MAMLD1: variants seen among roughly 807,000 people sequenced by gnomAD.
MAMLD1 encodes the protein mastermind-like domain-containing protein 1.
Under a neutral mutation model 45.0 loss-of-function variants are expected in MAMLD1, and 14 were observed. The observed-to-expected ratio is 0.31, with a 90% CI of 0.21 to 0.49. MAMLD1 has a LOEUF of 0.49. Among genes scored for constraint, MAMLD1 ranks in the 20% least tolerant of loss-of-function variants. The pLI is 0.99. For synonymous variants in MAMLD1, 254 were observed against 247.8 expected (o/e 1.02, Z -0.24); for missense variants, 543 against 603.6 (o/e 0.90, Z 1.05).
chrX:150,478,487 G>A (rs5925148), intron 5 of MAMLD1, among the ~76,000 whole-genome samples: 36,137 of 111,358 alleles, frequency 0.32, 4,362 homozygotes, highest in East Asian at 0.68. Context: ...GCTTGCGGGA[G>A]AGCAATACTG....
rs782704765 is a variant in MAMLD1, at chrX:150,375,165, A to C, written c.-64+11635A>C. Among the ~76,000 whole-genome samples the C allele has an allele frequency of 9.9e-5, 11 of 111,624 alleles. No homozygotes were observed. In the South Asian group the frequency reaches 3.9e-3, roughly 39 times the overall value. On this transcript the variant is annotated intron_variant, in intron 1 of 7. Transcript: ENST00000370401. Reference sequence around the variant, plus strand: ...AAGGCCACGAGGGCTCATATATCAAAGATGGGGAAACTGAGGCCCAGAGAG... The same window carrying C: ...AAGGCCACGAGGGCTCATATATCAACGATGGGGAAACTGAGGCCCAGAGAG...
At chrX:150,451,203 G>A (rs996771345) in intron 2 of MAMLD1, among the ~76,000 whole-genome samples, 4 of 112,373 alleles carry the variant, frequency 3.6e-5, no homozygotes, top group African/African-American at 1.3e-4. Context: ...GCATGACACT[G>A]CCTATTTCTA....
Position 150,514,025 on chromosome X carries a change from C to T in MAMLD1, c.*2066C>T, listed in dbSNP as rs2037972972. The T allele has an allele frequency of 3.5e-6, 1 of 288,111 alleles. No homozygotes were observed. The highest frequency in any genetic ancestry group is 2.7e-5 in the African/African-American group (1 of 36,392). The allele number at this position is 288,111 out of a possible 1,213,427, so 23.7% of individuals were successfully genotyped here. A position where few individuals can be genotyped will look rare whatever the true frequency, so the allele number is the denominator to read the frequency against. ...GTGTCTGTTATAGAAAACCCACACC[C>T]ACTGTCCTGTAAACTTTTCTCAGTG... On this transcript the variant is annotated 3_prime_UTR_variant, in exon 8 of 8. Coordinates refer to ENST00000370401, the MANE Select transcript of MAMLD1 (RefSeq NM_005491.5).
chrX:150,384,169 T>C (rs1557401966), intron 1 of MAMLD1, among the ~76,000 whole-genome samples: 1 of 112,232 alleles, frequency 8.9e-6, no homozygotes, highest in Non-Finnish European at 1.9e-5. Context: ...ACTCTATGTT[T>C]AGCATTTTGA....
intron 3 of MAMLD1, among the ~76,000 whole-genome samples, chrX:150,464,397 C>T (rs782363235): frequency 6.3e-4 from 71 of 112,244 alleles, no homozygotes; most frequent in African/African-American, 2.2e-3. Context: ...CATTCCCAAC[C>T]ACCCTGGTAT....
At chrX:150,397,473 T>A (rs2033464421) in intron 1 of MAMLD1, among the ~76,000 whole-genome samples, 1 of 111,764 alleles carries the variant, frequency 8.9e-6, no homozygotes, top group Non-Finnish European at 1.9e-5. Context: ...AGGATGATTT[T>A]TTTTGTAGAT....
chrX:150,481,712 T>C, intron 5 of MAMLD1, among the ~76,000 whole-genome samples: 1 of 107,863 alleles, frequency 9.3e-6, no homozygotes, highest in Non-Finnish European at 1.9e-5. Context: ...TGCCTGCAGT[T>C]TCAGCTACTC....
chrX:150,373,405 G>C (rs1557401237), intron 1 of MAMLD1, among the ~76,000 whole-genome samples: 2 of 110,493 alleles, frequency 1.8e-5, no homozygotes, highest in Non-Finnish European at 3.8e-5. Flanking sequence ...GAGTTGGCCA[G>C]GTTAGCCATT....
chrX:150,421,313 C>A (rs1313909900), intron 1 of MAMLD1, among the ~76,000 whole-genome samples: 3 of 112,133 alleles, frequency 2.7e-5, no homozygotes, highest in Non-Finnish European at 5.6e-5. Context: ...GTGCACGCAC[C>A]CACTGACCTG....
chrX:150,452,809 G>A (rs1278284657), intron 2 of MAMLD1, among the ~76,000 whole-genome samples: 1 of 91,219 alleles, frequency 1.1e-5, no homozygotes, highest in Non-Finnish European at 2.1e-5. Context: ...GTGTCCATGT[G>A]ATCTCATTGT....
At chrX:150,462,583 G>A (rs1016742935) in intron 2 of MAMLD1, among the ~76,000 whole-genome samples, 189 bp from the exon 3 acceptor site, 2 of 112,024 alleles carry the variant, frequency 1.8e-5, no homozygotes, top group Non-Finnish European at 3.8e-5. Flanking sequence ...CTAGTCTCCC[G>A]CACTCCACAC....
intron 1 of MAMLD1, among the ~76,000 whole-genome samples, chrX:150,392,779 T>TA (rs56044976): frequency 0.2 from 21,295 of 105,933 alleles, 1,920 homozygotes; most frequent in Non-Finnish European, 0.27. Flanking sequence ...GTTTTTTAAT[T>TA]AAAAAAAAAA....
chrX:150,373,360 G>A (rs1157485789), intron 1 of MAMLD1, among the ~76,000 whole-genome samples: 1 of 111,341 alleles, frequency 9.0e-6, no homozygotes, highest in Non-Finnish European at 1.9e-5. Context: ...TGGTTGCCTA[G>A]TTTGGGTCCA....
chrX:150,494,937 G>A, intron 5 of MAMLD1, among the ~76,000 whole-genome samples: 1 of 110,307 alleles, frequency 9.1e-6, no homozygotes, highest in Non-Finnish European at 1.9e-5. Context: ...CGGGTGTGGT[G>A]GCTCACACCT....
At position 150,513,205 on chromosome X, in the gene MAMLD1, T is replaced by C. The variant is rs2148373379; in HGVS notation, c.*1246T>C. On this transcript the variant is annotated 3_prime_UTR_variant, in exon 8 of 8. Transcript: ENST00000370401. ...GCCCATGCTTATCCCTCTCTCTACC[T>C]GTGACAAAATGGAAAGCTGGTGATT... 5.7e-6 allele frequency: 3 copies of C among 522,219 alleles called. No individual in the cohort carries two copies. Among genetic ancestry groups the C allele is most frequent in the African/African-American group, 2.4e-5 (1 of 42,452 alleles). The allele number at this position is 522,219 out of a possible 1,213,427, so 43.0% of individuals were successfully genotyped here. A position where few individuals can be genotyped will look rare whatever the true frequency, so the allele number is the denominator to read the frequency against.
intron 2 of MAMLD1, among the ~76,000 whole-genome samples, chrX:150,457,750 A>G (rs2035914683): frequency 8.9e-6 from 1 of 112,005 alleles, no homozygotes; most frequent in South Asian, 3.7e-4. Context: ...GATCCCATTT[A>G]TATGAAGTAT....
intron 1 of MAMLD1, among the ~76,000 whole-genome samples, chrX:150,438,604 T>C (rs1305960569): frequency 2.7e-5 from 3 of 112,357 alleles, no homozygotes; most frequent in Non-Finnish European, 5.6e-5. Flanking sequence ...GATGGAATCA[T>C]ACAGTATGTA....
intron 1 of MAMLD1, among the ~76,000 whole-genome samples, chrX:150,384,682 A>G (rs2032831531): frequency 8.9e-6 from 1 of 111,873 alleles, no homozygotes; most frequent in Non-Finnish European, 1.9e-5. Flanking sequence ...CTAAGAAACT[A>G]TTTCTTAACC....
At chrX:150,468,510 C>T (rs931837064) in intron 3 of MAMLD1, among the ~76,000 whole-genome samples, 2 of 111,810 alleles carry the variant, frequency 1.8e-5, no homozygotes, top group African/African-American at 6.5e-5. Flanking sequence ...CCCTCTCTTC[C>T]TTTCCTTATT....
Sources: gnomAD v4.1 joint callset for allele counts (sites outside exome capture counted in the v4.1 genomes callset) on GRCh38, gnomAD v4.1.1 for gene constraint, MANE v1.5 for transcripts, NCBI Gene and HGNC (gene_info 2026-07-23, HGNC 2026-07-21) for gene names.